Variants in SNTG1 observed in about 807,000 individuals in gnomAD.
SNTG1 encodes gamma-1-syntrophin.
A neutral mutation model predicts 74.7 loss-of-function variants in SNTG1; 39 were observed. That is an observed-to-expected ratio of 0.52 (90% CI 0.40 to 0.68). The LOEUF (loss-of-function observed/expected upper bound fraction) is 0.68, where lower values mean the gene tolerates loss of function less well. SNTG1 is among the 30% of genes least tolerant of loss of function. The pLI is 0.00. For missense variants in SNTG1, 685 were observed against 609.5 expected, an observed-to-expected ratio of 1.12 and a Z score of -1.30; for synonymous variants, 254 against 217.1, an observed-to-expected ratio of 1.17 and a Z score of -1.49.
At chr8:50,012,328 G>A (rs1449234478) in intron 1 of SNTG1, among the ~76,000 whole-genome samples, 7 of 152,002 alleles carry the variant, frequency 4.6e-5, no homozygotes, top group African/African-American at 1.7e-4. Context: ...GCTGTTGTAT[G>A]TTCTGGATGG....
intron 2 of SNTG1, among the ~76,000 whole-genome samples, chr8:50,322,754 T>C: frequency 6.6e-6 from 1 of 152,152 alleles, no homozygotes; most frequent in East Asian, 1.9e-4. Flanking sequence ...CTTCTAACTA[T>C]ATATTTTCAA....
In SNTG1 at chr8:50,617,148, T is replaced by G. The variant is rs142705832; in HGVS notation, c.849+26231T>G. ...GTTTTACTACTCCGCATAACACTTA[T>G]CACTGCCTGAAACCACAGTATACAT... On this transcript the variant is annotated intron_variant, in intron 13 of 18. Transcript: ENST00000642720. 8.1e-4 allele frequency among the ~76,000 whole-genome samples: 123 copies of G among 152,308 alleles called. 2 individuals are homozygous for G. Among genetic ancestry groups the G allele is most frequent in the Admixed American group, 2.6e-3 (39 of 15,294 alleles).
intron 13 of SNTG1, among the ~76,000 whole-genome samples, chr8:50,645,577 G>A (rs902929856): frequency 1.3e-5 from 2 of 151,996 alleles, no homozygotes; most frequent in Admixed American, 1.3e-4. Flanking sequence ...ATAATTTGGG[G>A]TTCATAGGGA....
intron 2 of SNTG1, among the ~76,000 whole-genome samples, chr8:50,214,180 T>G (rs919039061): frequency 6.9e-6 from 1 of 145,002 alleles, no homozygotes; most frequent in Admixed American, 7.2e-5. Context: ...ACACCGCATA[T>G]TCTCACTCAT....
chr8:50,218,902 G>C (rs929725084), intron 2 of SNTG1, among the ~76,000 whole-genome samples: 1 of 152,172 alleles, frequency 6.6e-6, no homozygotes, highest in Non-Finnish European at 1.5e-5. Flanking sequence ...AGAGCCAAGG[G>C]CTCACAGCCT....
chr8:50,212,541 A>G lies in SNTG1; in HGVS notation c.-28+39906A>G, dbSNP rs538452371. Among the ~76,000 whole-genome samples, 199 of 152,326 alleles carry G rather than the reference A, an allele frequency of 1.3e-3. 3 individuals carry two copies. Among genetic ancestry groups the G allele is most frequent in the Non-Finnish European group, 2.1e-3 (145 of 68,018 alleles). Reference sequence around the variant, plus strand: ...ACAGATCCATGCTCTCCAAGAATTCATGGTAAGAGGGGGAGATGAGCAAGA... The same window carrying G: ...ACAGATCCATGCTCTCCAAGAATTCGTGGTAAGAGGGGGAGATGAGCAAGA... On this transcript the variant is annotated intron_variant, in intron 2 of 18. Coordinates refer to ENST00000642720, the MANE Select transcript of SNTG1 (RefSeq NM_018967.5).
intron 8 of SNTG1, among the ~76,000 whole-genome samples, chr8:50,458,670 A>G (rs1344153768): frequency 6.6e-6 from 1 of 152,192 alleles, no homozygotes; most frequent in Non-Finnish European, 1.5e-5. Flanking sequence ...GCCATGAAGT[A>G]GCATCACATT....
chr8:50,297,748 G>T (rs1266683729), intron 2 of SNTG1, among the ~76,000 whole-genome samples: 2 of 152,018 alleles, frequency 1.3e-5, no homozygotes, highest in South Asian at 2.1e-4. Context: ...GTTTTCCATT[G>T]AATATTTTCA....
intron 2 of SNTG1, among the ~76,000 whole-genome samples, chr8:50,338,275 G>A (rs974436520): frequency 6.6e-6 from 1 of 152,192 alleles, no homozygotes; most frequent in Admixed American, 6.5e-5. Flanking sequence ...GCAGCAAGCA[G>A]TAAACACAGC....
chr8:50,701,317 T>C (rs536546655), intron 15 of SNTG1, among the ~76,000 whole-genome samples: 6 of 152,206 alleles, frequency 3.9e-5, no homozygotes, highest in Non-Finnish European at 8.8e-5. Context: ...CTTGTCATTA[T>C]ACTGTGTTCA....
chr8:49,990,000 T>C (rs774913084), intron 1 of SNTG1, among the ~76,000 whole-genome samples: 2 of 151,944 alleles, frequency 1.3e-5, no homozygotes, highest in Non-Finnish European at 2.9e-5. Flanking sequence ...ACATAACTTA[T>C]TGTGTAAAAC....
At chr8:50,087,701 G>A (rs1339891074) in intron 1 of SNTG1, among the ~76,000 whole-genome samples, 2 of 152,004 alleles carry the variant, frequency 1.3e-5, no homozygotes, top group African/African-American at 4.8e-5. Context: ...ACCTTTAAAT[G>A]TAAACAATTA....
chr8:50,606,050 T>C (rs766930322), intron 13 of SNTG1, among the ~76,000 whole-genome samples: 1 of 152,182 alleles, frequency 6.6e-6, no homozygotes, highest in Non-Finnish European at 1.5e-5. Context: ...AGTTTTTGCA[T>C]TGGTGTTCAT....
intron 1 of SNTG1, among the ~76,000 whole-genome samples, chr8:49,947,859 G>A (rs889300289): frequency 2.6e-5 from 4 of 152,094 alleles, no homozygotes; most frequent in Non-Finnish European, 4.4e-5. Flanking sequence ...GGCCTGGCGC[G>A]GTGGCTCATG....
At chr8:50,689,378 G>A (rs1453193342) in intron 15 of SNTG1, among the ~76,000 whole-genome samples, 1 of 152,188 alleles carries the variant, frequency 6.6e-6, no homozygotes, top group Non-Finnish European at 1.5e-5. Context: ...TATATTGGCT[G>A]TGGGTTTGTC....
chr8:50,328,674 G>A (rs2090847207), intron 2 of SNTG1, among the ~76,000 whole-genome samples: 1 of 152,112 alleles, frequency 6.6e-6, no homozygotes, highest in African/African-American at 2.4e-5. Context: ...GGGGATTACA[G>A]GTCCTTCCCT....
At chr8:50,424,275 G>A (rs1388353189) in intron 4 of SNTG1, among the ~76,000 whole-genome samples, 1 of 152,074 alleles carries the variant, frequency 6.6e-6, no homozygotes, top group Non-Finnish European at 1.5e-5. Flanking sequence ...TCCTTGGCAA[G>A]TAAATGGAAG....
At chr8:50,003,459 A>C (rs1045980161) in intron 1 of SNTG1, among the ~76,000 whole-genome samples, 4 of 152,178 alleles carry the variant, frequency 2.6e-5, no homozygotes, top group Admixed American at 6.6e-5. Flanking sequence ...ATCACTTTTA[A>C]TTAAATTCTT....
chr8:50,409,347 C>T (rs1317408203), intron 4 of SNTG1, among the ~76,000 whole-genome samples: 1 of 152,124 alleles, frequency 6.6e-6, no homozygotes, highest in African/African-American at 2.4e-5. Flanking sequence ...CCCCCAGTGC[C>T]TTTTATTAAC....
Sources: allele counts gnomAD v4.1 joint callset (sites outside exome capture counted in the v4.1 genomes callset), GRCh38; gene constraint gnomAD v4.1.1; transcripts MANE v1.5; gene names NCBI Gene and HGNC (gene_info 2026-07-23, HGNC 2026-07-21).